ADCY1: variants seen among roughly 807,000 people sequenced by gnomAD.
The protein encoded by ADCY1 is adenylate cyclase 1, also known as adenylate cyclase type 1.
A neutral mutation model predicts 105.4 loss-of-function variants in ADCY1; 28 were observed. The ratio of observed to expected loss-of-function variants is 0.27; its 90% confidence interval spans 0.20 to 0.36. The LOEUF (loss-of-function observed/expected upper bound fraction) is 0.36, where lower values mean the gene tolerates loss of function less well. Ranked by LOEUF, ADCY1 falls within the 10% of genes least tolerant of loss-of-function variation. The pLI is 1.00. For missense variants in ADCY1, 977 were observed against 1,434.2 expected, an observed-to-expected ratio of 0.68 and a Z score of 5.15; for synonymous variants, 655 against 623.8, an observed-to-expected ratio of 1.05 and a Z score of -0.75.
Position 45,714,017 on chromosome 7 carries a change from G to T in ADCY1, c.*22G>T, listed in dbSNP as rs769660560. On this transcript the variant is annotated 3_prime_UTR_variant, in exon 20 of 20. Transcript: ENST00000297323. ...TTAGTGGAGCCCACGTGGGCCTCTG[G>T]GGTGCACATGGGGTGGGAATGCTCC... 1 of 757,092 alleles carries T rather than the reference G, an allele frequency of 1.3e-6. No homozygotes were observed. The highest frequency in any genetic ancestry group is 1.4e-5 in the South Asian group (1 of 71,766). 46.9% of individuals were successfully genotyped at this position (757,092 alleles called of 1,614,324 possible).
At chr7:45,609,211 G>C (rs1457467405) in intron 2 of ADCY1, among the ~76,000 whole-genome samples, 2 of 152,234 alleles carry the variant, frequency 1.3e-5, no homozygotes, top group Admixed American at 6.5e-5. Flanking sequence ...GAACGTGAAG[G>C]TGTCTGGGCA....
At position 45,686,848 on chromosome 7, in the gene ADCY1, G is replaced by C. The variant is rs1562724110; in HGVS notation, c.2454+175G>C. The stretch of plus-strand genomic sequence containing the variant: ...CCGGGGATGGAGGAGACCTATGCTG[G>C]GGGTGCAGGGAGTGGGAGCCATGCC... On this transcript the variant is annotated intron_variant, in intron 14 of 19. Coordinates refer to ENST00000297323, the MANE Select transcript of ADCY1 (RefSeq NM_021116.4). The surrounding 1 kb of genome is among the most constrained non-coding windows in gnomAD (Gnocchi z 4.3). Among the ~76,000 whole-genome samples, 1 of 152,202 alleles carries C rather than the reference G, an allele frequency of 6.6e-6. No individual in the cohort carries two copies. The highest frequency in any genetic ancestry group is 1.5e-5 in the Non-Finnish European group (1 of 68,024).
chr7:45,662,531 G>T (rs1795158190), intron 8 of ADCY1, among the ~76,000 whole-genome samples: 1 of 152,108 alleles, frequency 6.6e-6, no homozygotes, highest in South Asian at 2.1e-4. Flanking sequence ...GGACAGATGT[G>T]CTAGGCCCTC....
intron 10 of ADCY1, among the ~76,000 whole-genome samples, chr7:45,678,962 C>T (rs1701554183): frequency 6.6e-6 from 1 of 152,030 alleles, no homozygotes; most frequent in Non-Finnish European, 1.5e-5. Flanking sequence ...CTTCTAAATC[C>T]ATGTCATTTT....
intron 4 of ADCY1, among the ~76,000 whole-genome samples, chr7:45,625,599 G>A (rs193238213): frequency 9.6e-4 from 145 of 151,786 alleles, no homozygotes; most frequent in African/African-American, 3.2e-3. Flanking sequence ...TGTGTTACAT[G>A]TGTGAGTGCT....
At chr7:45,695,682 A>C (rs1258504085) in intron 14 of ADCY1, among the ~76,000 whole-genome samples, 5 of 152,194 alleles carry the variant, frequency 3.3e-5, no homozygotes, top group Non-Finnish European at 7.3e-5. Flanking sequence ...CATAGAGCAA[A>C]AGCTCCAAAG....
intron 3 of ADCY1, among the ~76,000 whole-genome samples, chr7:45,611,181 G>A (rs1366579069): frequency 6.8e-6 from 1 of 146,354 alleles, no homozygotes; most frequent in East Asian, 2.0e-4. Flanking sequence ...AGGTGATGGT[G>A]CAGGTGGGGA....
Position 45,588,631 on chromosome 7 carries a change from A to G in ADCY1, c.640-4128A>G, listed in dbSNP as rs541601840. Among the ~76,000 whole-genome samples the G allele has an allele frequency of 4.3e-3, 647 of 151,700 alleles. 7 individuals carry two copies. The highest frequency in any genetic ancestry group is 0.029 in the South Asian group (137 of 4,800). On this transcript the variant is annotated intron_variant, in intron 1 of 19. Coordinates refer to ENST00000297323, the MANE Select transcript of ADCY1 (RefSeq NM_021116.4). The stretch of plus-strand genomic sequence containing the variant: ...TGATGTTTTCAGGTGGTGCACAGTC[A>G]AGTAGAGATGCCCCAGGGCCTGCGG...
rs1412754045 is a variant in ADCY1, at chr7:45,575,157, C to A, written c.614C>A (p.Ala205Asp). The change falls in exon 1 of 20, where the codon GCC becomes GAC. Residue 205 changes from alanine to aspartate, a missense_variant. This residue lies in a region of ADCY1 where 196 missense variants were observed against 347.8 expected (regional missense o/e 0.56). Transcript: ENST00000297323. This position sits in a 1 kb window ranked among gnomAD's most constrained non-coding sequence, Gnocchi z 4.7. ...CTGGTCACAGCCACCTTGGTCCCCG[C>A]CAAGCGCCCACGTCTCTGGAGGACG... ...HLLVTATLVP[A>D]KRPRLWRTLG... 6.2e-7 allele frequency: 1 copy of A among 1,607,286 alleles called. No individual in the cohort carries two copies. Among genetic ancestry groups the A allele is most frequent in the East Asian group, 2.2e-5 (1 of 44,780 alleles).
In ADCY1 at chr7:45,574,962, T is replaced by A. The variant is rs1219980468; in HGVS notation, c.419T>A (p.Phe140Tyr). 3 of 1,611,372 alleles carry A rather than the reference T, an allele frequency of 1.9e-6. No individual in the cohort carries two copies. The highest frequency in any genetic ancestry group is 1.7e-5 in the Admixed American group (1 of 59,924). The stretch of plus-strand genomic sequence containing the variant: ...ACCTTCGCGCTGCTCTGCTGTCCTT[T>A]CGCGCTGGGCGGCCCCGCCCGGGGT... Reference protein sequence around the residue: ...SLTFALLCCPFALGGPARGSA... With the variant: ...SLTFALLCCPYALGGPARGSA... The change falls in exon 1 of 20, where the codon TTC becomes TAC. Residue 140 changes from phenylalanine to tyrosine, a missense_variant. By Grantham distance (22) the Phe-to-Tyr change is conservative. Transcript: ENST00000297323. This position sits in a 1 kb window ranked among gnomAD's most constrained non-coding sequence, Gnocchi z 7.0.
chr7:45,580,762 G>A (rs1422498271), intron 1 of ADCY1, among the ~76,000 whole-genome samples: 1 of 152,228 alleles, frequency 6.6e-6, no homozygotes, highest in Non-Finnish European at 1.5e-5. Context: ...TCTCCCAAGA[G>A]CAGTGCTGAG....
chr7:45,703,711 C>A lies in ADCY1; in HGVS notation c.2683C>A (p.Arg895=). ...DGNNMGVECL[R]LLNEIIADFD... ...CAACAACATGGGGGTGGAGTGTCTGCGGCTTCTCAACGAGATCATCGCCGA... is the reference window on the plus strand; with the variant it reads ...CAACAACATGGGGGTGGAGTGTCTGAGGCTTCTCAACGAGATCATCGCCGA... The change falls in exon 16 of 20, where the codon CGG becomes AGG. Residue 895 remains arginine (R), a synonymous_variant. Coordinates refer to ENST00000297323, the MANE Select transcript of ADCY1 (RefSeq NM_021116.4). The surrounding 1 kb of genome is among the most constrained non-coding windows in gnomAD (Gnocchi z 5.9). 1 of 1,600,126 alleles carries A rather than the reference C, an allele frequency of 6.2e-7. No individual in the cohort carries two copies. The highest frequency in any genetic ancestry group is 8.5e-7 in the Non-Finnish European group (1 of 1,172,470).
chr7:45,655,785 T>C (rs567348079), intron 5 of ADCY1, among the ~76,000 whole-genome samples: 2 of 152,144 alleles, frequency 1.3e-5, no homozygotes, highest in East Asian at 1.9e-4. Flanking sequence ...TGGGCATGGG[T>C]CCCAGAAGTC....
At chr7:45,580,725 G>T (rs142108148) in intron 1 of ADCY1, among the ~76,000 whole-genome samples, 20 of 152,208 alleles carry the variant, frequency 1.3e-4, no homozygotes, top group Non-Finnish European at 2.8e-4. Context: ...CCCAAGTGGG[G>T]CAAAACCACA....
At chr7:45,623,645 T>G (rs974047747) in intron 4 of ADCY1, among the ~76,000 whole-genome samples, 2 of 152,234 alleles carry the variant, frequency 1.3e-5, no homozygotes, top group Admixed American at 6.5e-5. Context: ...GCCATCAGAT[T>G]GAAAGCTAGA....
In ADCY1 at chr7:45,719,584, A is replaced by G. The variant is rs1785428675; in HGVS notation, c.*5589A>G. 1 of 152,246 alleles carries G rather than the reference A, an allele frequency of 6.6e-6. No homozygotes were observed. The highest frequency in any genetic ancestry group is 2.1e-4 in the South Asian group (1 of 4,832). The allele number at this position is 152,246 out of a possible 1,614,324, so 9.4% of individuals were successfully genotyped here. A position where few individuals can be genotyped will look rare whatever the true frequency, so the allele number is the denominator to read the frequency against. Reference sequence around the variant, plus strand: ...GAAGTCTGTTTCACTACCTTAAAAAATAGATACTCCACTAGAGGCTGTGCT... The same window carrying G: ...GAAGTCTGTTTCACTACCTTAAAAAGTAGATACTCCACTAGAGGCTGTGCT... On this transcript the variant is annotated 3_prime_UTR_variant, in exon 20 of 20. Transcript: ENST00000297323.
chr7:45,666,541 G>T (rs573668610), intron 8 of ADCY1, among the ~76,000 whole-genome samples: 1 of 152,280 alleles, frequency 6.6e-6, no homozygotes, highest in African/African-American at 2.4e-5. Context: ...TGGACATTTG[G>T]GTTGGTTCCA....
At chr7:45,649,907 G>C (rs1310281071) in intron 5 of ADCY1, among the ~76,000 whole-genome samples, 1 of 152,184 alleles carries the variant, frequency 6.6e-6, no homozygotes, top group East Asian at 1.9e-4. Context: ...GACTGAGAGT[G>C]GAAAAGCCCC....
chr7:45,688,144 G>A (rs1784722322), intron 14 of ADCY1, among the ~76,000 whole-genome samples: 1 of 152,208 alleles, frequency 6.6e-6, no homozygotes, highest in African/African-American at 2.4e-5. Flanking sequence ...AACAAAGGTT[G>A]GGCCTGGCAT....
Sources: gnomAD v4.1 joint callset for allele counts (sites outside exome capture counted in the v4.1 genomes callset) on GRCh38, gnomAD v4.1.1 for gene constraint, gnomAD v4.1.1 regional missense constraint, Gnocchi (gnomAD v3.1) non-coding constraint, MANE v1.5 for transcripts, NCBI Gene and HGNC (gene_info 2026-07-23, HGNC 2026-07-21) for gene names.